The following ENAH variants were observed in gnomAD, a reference collection of about 807,000 sequenced individuals.
ENAH encodes the protein ENAH actin regulator, also known as protein enabled homolog.
ENAH carries 23 observed loss-of-function variants against 78.7 expected under a neutral mutation model. The observed-to-expected ratio is 0.29, with a 90% confidence interval of 0.21 to 0.41. ENAH has a LOEUF of 0.41. Ranked by LOEUF, ENAH falls within the 10% of genes least tolerant of loss-of-function variation. The pLI, the probability that ENAH is intolerant of heterozygous loss-of-function variation, is 1.00. For missense variants in ENAH, 544 were observed against 691.0 expected, an observed-to-expected ratio of 0.79 and a Z score of 2.39; for synonymous variants, 226 against 241.0, an observed-to-expected ratio of 0.94 and a Z score of 0.58.
chr1:225,576,275 CAAAAAAA>C (rs35531080), intron 1 of ENAH, among the ~76,000 whole-genome samples: 1 of 82,500 alleles, frequency 1.2e-5, no homozygotes, highest in Non-Finnish European at 2.5e-5. Flanking sequence ...GACTCTGTCT[CAAAAAAA>C]AAAAAAAAAA....
At chr1:225,518,049 G>A in intron 5 of ENAH, 1 of 1,439,576 alleles carries the variant, frequency 6.9e-7, no homozygotes, top group South Asian at 1.4e-5. Flanking sequence ...AGAGAAAAAG[G>A]GAGCTAGTGA....
At chr1:225,517,911 T>C (rs190300825) in intron 5 of ENAH, 3 of 1,550,680 alleles carry the variant, frequency 1.9e-6, no homozygotes, top group African/African-American at 1.4e-5. Flanking sequence ...TAGCGTATGA[T>C]GGAGGAGGTG....
At chr1:225,587,181 A>G (rs2096851760) in intron 1 of ENAH, among the ~76,000 whole-genome samples, 1 of 152,190 alleles carries the variant, frequency 6.6e-6, no homozygotes, top group Non-Finnish European at 1.5e-5. Context: ...TGGTGGTCCT[A>G]GCCTTTGCAC....
chr1:225,546,045 TC>T (rs2096612168), intron 3 of ENAH, among the ~76,000 whole-genome samples: 1 of 149,346 alleles, frequency 6.7e-6, no homozygotes, highest in Non-Finnish European at 1.5e-5. Context: ...TGCCTCAGCC[TC>T]CCAAGAAGCT....
At chr1:225,652,571 G>T (rs1304236538) in intron 1 of ENAH, 115 bp downstream of exon 1, 57 of 1,104,828 alleles carry the variant, frequency 5.2e-5, no homozygotes, top group Non-Finnish European at 6.4e-5. Context: ...GAACAGACCG[G>T]AGACCAGGGG....
chr1:225,615,312 C>T (rs942502089), intron 1 of ENAH, among the ~76,000 whole-genome samples: 2 of 152,328 alleles, frequency 1.3e-5, no homozygotes, highest in Non-Finnish European at 2.9e-5. Context: ...CCCGAGGTGC[C>T]GGGATTGCAG....
intron 1 of ENAH, among the ~76,000 whole-genome samples, chr1:225,598,486 A>G (rs1407299091): frequency 2.0e-5 from 3 of 152,100 alleles, no homozygotes; most frequent in Admixed American, 1.3e-4. Context: ...ACCCAAGAAC[A>G]CAGAATGAAA....
chr1:225,493,996 CTT>C lies in ENAH; in HGVS notation c.*3777_*3778del, dbSNP rs955469038. 6.6e-5 allele frequency: 8 copies of C among 121,648 alleles called. No homozygotes were observed. Among genetic ancestry groups the C allele is most frequent in the East Asian group, 5.6e-4 (2 of 3,596 alleles). 7.5% of individuals were successfully genotyped at this position (121,648 alleles called of 1,614,324 possible). A position where few individuals can be genotyped will look rare whatever the true frequency, so the allele number is the denominator to read the frequency against. On this transcript the variant is annotated 3_prime_UTR_variant, in exon 14 of 14. Transcript: ENST00000366843. ...TAACTCATTTTTGAATGACAAGTGACTTTTAATTTGTAGACAAAAATACTGAC... is the reference window on the plus strand; with the variant it reads ...TAACTCATTTTTGAATGACAAGTGACTTAATTTGTAGACAAAAATACTGAC...
chr1:225,627,989 A>C (rs951539272), intron 1 of ENAH, among the ~76,000 whole-genome samples: 1 of 152,242 alleles, frequency 6.6e-6, no homozygotes. Context: ...CAGTTACTTC[A>C]TGTTTCCAAA....
chr1:225,513,696 A>G (rs2096394362), intron 7 of ENAH, among the ~76,000 whole-genome samples: 1 of 152,174 alleles, frequency 6.6e-6, no homozygotes, highest in Non-Finnish European at 1.5e-5. Context: ...CATTCAAACA[A>G]AAGTGCATGT....
At chr1:225,634,087 T>C (rs79899432) in intron 1 of ENAH, among the ~76,000 whole-genome samples, 6,481 of 152,306 alleles carry the variant, frequency 0.043, 218 homozygotes, top group South Asian at 0.1. Flanking sequence ...TTTTTTTCTT[T>C]AGTCAGTTCC....
At chr1:225,510,548 G>A (rs1025886299) in intron 10 of ENAH, among the ~76,000 whole-genome samples, 1 of 151,988 alleles carries the variant, frequency 6.6e-6, no homozygotes, top group Admixed American at 6.6e-5. Context: ...AACAAACTGA[G>A]TCCTATTCAG....
intron 5 of ENAH, 139 bp from the exon 6 acceptor site, chr1:225,517,445 C>T: frequency 5.8e-6 from 9 of 1,551,680 alleles, no homozygotes; most frequent in Non-Finnish European, 7.8e-6. Flanking sequence ...GGAGGAGCTG[C>T]TGGCCCTGAG....
intron 1 of ENAH, among the ~76,000 whole-genome samples, chr1:225,594,142 A>T (rs1390885617): frequency 6.7e-6 from 1 of 150,224 alleles, no homozygotes; most frequent in Non-Finnish European, 1.5e-5. Flanking sequence ...GCTTCTCTGG[A>T]ACACTGCTAG....
At chr1:225,593,161 C>A (rs952239838) in intron 1 of ENAH, among the ~76,000 whole-genome samples, 43 of 152,070 alleles carry the variant, frequency 2.8e-4, no homozygotes, top group African/African-American at 7.5e-4. Context: ...ACCTTCCCCC[C>A]ACACACAGAC....
chr1:225,618,276 G>C (rs932217313), intron 1 of ENAH, among the ~76,000 whole-genome samples: 3 of 152,036 alleles, frequency 2.0e-5, no homozygotes, highest in African/African-American at 7.2e-5. Context: ...CAAAAACTGG[G>C]GAGAAAGAAA....
chr1:225,635,926 T>G (rs1331541709), intron 1 of ENAH, among the ~76,000 whole-genome samples: 1 of 152,204 alleles, frequency 6.6e-6, no homozygotes, highest in Non-Finnish European at 1.5e-5. Context: ...ATCCTCCTGT[T>G]TTGAGTTTCC....
intron 6 of ENAH, among the ~76,000 whole-genome samples, chr1:225,515,926 C>T (rs962095497): frequency 6.6e-6 from 1 of 152,196 alleles, no homozygotes; most frequent in African/African-American, 2.4e-5. Context: ...AACTGAACGT[C>T]TTAGAATTCT....
At chr1:225,561,179 G>A (rs516249) in intron 2 of ENAH, among the ~76,000 whole-genome samples, 100,091 of 152,148 alleles carry the variant, frequency 0.66, 33,276 homozygotes, top group Middle Eastern at 0.74. Flanking sequence ...GCTGCAGCGA[G>A]CAGAGATCGC....
Sources: gnomAD v4.1 joint callset for allele counts (sites outside exome capture counted in the v4.1 genomes callset) on GRCh38, gnomAD v4.1.1 for gene constraint, MANE v1.5 for transcripts, NCBI Gene and HGNC (gene_info 2026-07-23, HGNC 2026-07-21) for gene names.